CALN1: variants seen among roughly 807,000 people sequenced by gnomAD.
CALN1 encodes the protein calcium-binding protein 8.
CALN1 carries 17 observed loss-of-function variants against 30.6 expected under a neutral mutation model. The ratio of observed to expected loss-of-function variants is 0.56; its 90% confidence interval spans 0.38 to 0.83. The LOEUF is 0.83. Ranked by LOEUF, CALN1 falls within the 40% of genes least tolerant of loss-of-function variation. The pLI is 0.00. For missense variants in CALN1, 291 were observed against 354.9 expected (o/e 0.82, Z 1.45); for synonymous variants, 156 against 131.4 (o/e 1.19, Z -1.28).
intron 2 of CALN1, among the ~76,000 whole-genome samples, chr7:72,298,030 A>G (rs1159923025): frequency 6.6e-6 from 1 of 152,174 alleles, no homozygotes; most frequent in African/African-American, 2.4e-5. Context: ...TTTTTTAGCT[A>G]CAAAATCACA....
chr7:71,986,229 G>C lies in CALN1; in HGVS notation c.501+37428C>G, dbSNP rs574775246. 2.0e-5 allele frequency among the ~76,000 whole-genome samples: 3 copies of C among 152,028 alleles called. No individual in the cohort carries two copies. The East Asian group carries it at 5.9e-4, about 30-fold the overall frequency. ...CACCCAACTAATTTTTGTATTTTTA[G>C]TAGAGATGGGGTTTCACCATGTTGG... On this transcript the variant is annotated intron_variant, in intron 5 of 6. Transcript: ENST00000395275.
chr7:72,075,087 A>T (rs959074101), intron 4 of CALN1, among the ~76,000 whole-genome samples: 8 of 152,344 alleles, frequency 5.3e-5, no homozygotes, highest in African/African-American at 1.9e-4. Flanking sequence ...TTTCAGCTTG[A>T]GTCCAAAGTC....
At chr7:71,866,962 T>C (rs1056710839) in intron 5 of CALN1, among the ~76,000 whole-genome samples, 2 of 151,902 alleles carry the variant, frequency 1.3e-5, no homozygotes, top group Non-Finnish European at 2.9e-5. Context: ...CTGGCCAACA[T>C]AGTGAAACCC....
intron 2 of CALN1, among the ~76,000 whole-genome samples, chr7:72,294,781 TAC>T: frequency 6.7e-6 from 1 of 148,230 alleles, no homozygotes; most frequent in South Asian, 2.1e-4. Context: ...AATAAATAAA[TAC>T]AGATTTTTAA....
chr7:72,141,654 C>T (rs764223016), intron 3 of CALN1, among the ~76,000 whole-genome samples: 17 of 152,026 alleles, frequency 1.1e-4, no homozygotes, highest in Non-Finnish European at 1.8e-4. Context: ...CTGCAACCTC[C>T]GTCTCCTGGG....
chr7:71,957,248 G>C (rs926681151), intron 5 of CALN1, among the ~76,000 whole-genome samples: 3 of 152,170 alleles, frequency 2.0e-5, no homozygotes, highest in Non-Finnish European at 4.4e-5. Flanking sequence ...AAGATTGATA[G>C]GAGGTGGGTG....
intron 5 of CALN1, among the ~76,000 whole-genome samples, chr7:71,831,937 A>G (rs1260402648): frequency 6.6e-6 from 1 of 150,612 alleles, no homozygotes; most frequent in African/African-American, 2.4e-5. Context: ...AGAAATGTTA[A>G]TTTTCTTCCA....
At chr7:72,304,099 G>A (rs918567951) in intron 2 of CALN1, among the ~76,000 whole-genome samples, 2 of 152,222 alleles carry the variant, frequency 1.3e-5, no homozygotes, top group Non-Finnish European at 2.9e-5. Context: ...AAATGAAGAG[G>A]TGCTAAGCCC....
intron 5 of CALN1, among the ~76,000 whole-genome samples, chr7:71,869,527 T>C (rs535033065): frequency 1.9e-3 from 288 of 152,250 alleles, no homozygotes; most frequent in Non-Finnish European, 3.3e-3. Context: ...CTCCTTTAAA[T>C]ACTGGCTTAT....
intron 5 of CALN1, among the ~76,000 whole-genome samples, chr7:71,872,083 C>A (rs1490179223): frequency 6.6e-6 from 1 of 152,132 alleles, no homozygotes; most frequent in Non-Finnish European, 1.5e-5. Context: ...GTTTAAATAA[C>A]CATATGTAGC....
At chr7:72,396,844 T>C (rs1049506015) in intron 2 of CALN1, among the ~76,000 whole-genome samples, 4 of 152,174 alleles carry the variant, frequency 2.6e-5, no homozygotes, top group African/African-American at 9.7e-5. Context: ...GGTTGAAGGT[T>C]AGAAGTATAT....
chr7:72,349,276 G>A (rs993553051), intron 2 of CALN1, among the ~76,000 whole-genome samples: 4 of 142,576 alleles, frequency 2.8e-5, no homozygotes, highest in South Asian at 2.2e-4. Flanking sequence ...CTGTAAACAC[G>A]CGTGCTTGTG....
intron 5 of CALN1, among the ~76,000 whole-genome samples, chr7:71,887,117 G>A (rs958528312): frequency 3.3e-5 from 5 of 152,034 alleles, no homozygotes; most frequent in Admixed American, 1.3e-4. Context: ...GTTGGGGAGC[G>A]CCGAGGGATT....
rs142611426 is a variant in CALN1 at position 72,381,382 on chromosome 7, C to G, written c.119+21869G>C. On this transcript the variant is annotated intron_variant, in intron 2 of 6. Coordinates refer to ENST00000395275, the MANE Select transcript of CALN1 (RefSeq NM_031468.4). Reference sequence around the variant, plus strand: ...AATCATTCTACTATAAAGATACATGCACATGTATGTTTACTGCAGCACTAT... The same window carrying G: ...AATCATTCTACTATAAAGATACATGGACATGTATGTTTACTGCAGCACTAT... Among the ~76,000 whole-genome samples the G allele has an allele frequency of 1.2e-3, 183 of 152,246 alleles. 1 individual carries two copies. The highest frequency in any genetic ancestry group is 4.2e-3 in the African/African-American group (174 of 41,532).
At position 72,271,575 on chromosome 7, in the gene CALN1, AAT is replaced by A. The variant is rs1410679506; in HGVS notation, c.244+7109_244+7110del. 2.5e-4 allele frequency among the ~76,000 whole-genome samples: 13 copies of A among 52,114 alleles called. 2 individuals are homozygous for A. In the South Asian group the frequency reaches 6.9e-3, roughly 28 times the overall value. The allele number at this position is 52,114 out of a possible 152,430, so 34.2% of individuals were successfully genotyped here. A position where few individuals can be genotyped will look rare whatever the true frequency, so the allele number is the denominator to read the frequency against. ...CTGTGCCTGCCTTTTAAAAAAAAAA[AAT>A]ATATATATATATATATAGTTTTCAG... On this transcript the variant is annotated intron_variant, in intron 3 of 6. Transcript: ENST00000395275.
intron 6 of CALN1, among the ~76,000 whole-genome samples, chr7:71,794,818 G>C (rs566281638): frequency 1.4e-5 from 2 of 147,524 alleles, no homozygotes; most frequent in Admixed American, 1.3e-4. Flanking sequence ...ACTGCAGCTA[G>C]ACTCACCTTT....
chr7:72,140,276 A>AAC (rs1809806100), intron 3 of CALN1, among the ~76,000 whole-genome samples: 1 of 119,862 alleles, frequency 8.3e-6, no homozygotes, highest in African/African-American at 3.2e-5. Context: ...GTCTCAAAAT[A>AAC]AGAGAGAGAG....
At chr7:72,382,947 C>T (rs1022180640) in intron 2 of CALN1, among the ~76,000 whole-genome samples, 2 of 152,134 alleles carry the variant, frequency 1.3e-5, no homozygotes, top group African/African-American at 4.8e-5. Context: ...CGCCTCTACG[C>T]CCAGCTAATT....
chr7:72,343,325 T>TGAGA (rs1370203490), intron 2 of CALN1, among the ~76,000 whole-genome samples: 1 of 152,022 alleles, frequency 6.6e-6, no homozygotes. Flanking sequence ...CGCGGGTGGA[T>TGAGA]CACTTGAGGT....
Sources: gnomAD v4.1 joint callset for allele counts (sites outside exome capture counted in the v4.1 genomes callset) on GRCh38, gnomAD v4.1.1 for gene constraint, MANE v1.5 for transcripts, NCBI Gene and HGNC (gene_info 2026-07-23, HGNC 2026-07-21) for gene names.